The following TMEM178A variants were observed in gnomAD, a reference collection of about 807,000 sequenced individuals.
TMEM178A encodes transmembrane protein 178A, also known as transmembrane protein 178.
TMEM178A carries 12 observed loss-of-function variants against 29.1 expected under a neutral mutation model. The observed-to-expected ratio is 0.41, with a 90% CI of 0.26 to 0.67. The LOEUF is 0.67. Among genes scored for constraint, TMEM178A ranks in the 30% least tolerant of loss-of-function variants. The pLI, the probability that TMEM178A is intolerant of heterozygous loss-of-function variation, is 0.29. For synonymous variants in TMEM178A, 210 were observed against 187.2 expected, an observed-to-expected ratio of 1.12 and a Z score of -0.99; for missense variants, 366 against 419.1, an observed-to-expected ratio of 0.87 and a Z score of 1.11.
intron 1 of TMEM178A, among the ~76,000 whole-genome samples, chr2:39,682,078 A>T (rs1670892335): frequency 6.6e-6 from 1 of 152,184 alleles, no homozygotes; most frequent in Non-Finnish European, 1.5e-5. Context: ...GCTTTCTAAC[A>T]GTTTACCTTT....
At chr2:39,675,734 A>G (rs777346523) in intron 1 of TMEM178A, among the ~76,000 whole-genome samples, 5 of 151,964 alleles carry the variant, frequency 3.3e-5, no homozygotes, top group East Asian at 1.9e-4. Flanking sequence ...CTGGTCAGGT[A>G]TTCATCCATA....
chr2:39,711,669 A>G (rs536521230), intron 3 of TMEM178A, among the ~76,000 whole-genome samples: 1 of 152,314 alleles, frequency 6.6e-6, no homozygotes, highest in South Asian at 2.1e-4. Context: ...AAAAAGACTC[A>G]ACCATGGTAG....
At chr2:39,701,525 G>T (rs1453148328) in intron 1 of TMEM178A, among the ~76,000 whole-genome samples, 3 of 151,962 alleles carry the variant, frequency 2.0e-5, no homozygotes, top group African/African-American at 7.3e-5. Flanking sequence ...TCTGGGTGTG[G>T]GTCTCTGAGT....
chr2:39,707,805 T>C (rs1189689248), intron 3 of TMEM178A, among the ~76,000 whole-genome samples: 2 of 152,226 alleles, frequency 1.3e-5, no homozygotes, highest in East Asian at 1.9e-4. Context: ...AACCCTGGCC[T>C]GGACTCTTGG....
chr2:39,695,815 G>T (rs1227772981), intron 1 of TMEM178A, among the ~76,000 whole-genome samples: 2 of 151,990 alleles, frequency 1.3e-5, no homozygotes, highest in Non-Finnish European at 1.5e-5. Context: ...TGTGATTTTC[G>T]CATCTTCTGT....
the TMEM178A span, among the ~76,000 whole-genome samples, chr2:39,727,740 C>T: frequency 1.3e-4 from 19 of 150,800 alleles, no homozygotes; most frequent in African/African-American, 4.2e-4. Flanking sequence ...CGACAGGCCC[C>T]GGTGTGTGAT....
At chr2:39,734,179 C>T in the TMEM178A span, among the ~76,000 whole-genome samples, 1 of 152,274 alleles carries the variant, frequency 6.6e-6, no homozygotes, top group South Asian at 2.1e-4. Flanking sequence ...GGTTTTGCTC[C>T]CCTTCCATTC....
intron 2 of TMEM178A, among the ~76,000 whole-genome samples, chr2:39,705,463 A>G (rs942236159): frequency 6.6e-6 from 1 of 152,166 alleles, no homozygotes; most frequent in African/African-American, 2.4e-5. Flanking sequence ...ACCATACTAC[A>G]TTTCCCCTGC....
intron 3 of TMEM178A, among the ~76,000 whole-genome samples, chr2:39,714,080 G>A (rs1672430459): frequency 6.6e-6 from 1 of 152,124 alleles, no homozygotes; most frequent in Admixed American, 6.5e-5. Flanking sequence ...AGAAATGCGA[G>A]GGTCTGAAAA....
At chr2:39,721,134 A>G (rs1245807175), downstream of TMEM178A, among the ~76,000 whole-genome samples, 6 of 152,228 alleles carry the variant, frequency 3.9e-5, no homozygotes, top group Admixed American at 3.3e-4. Context: ...ATTGCATATG[A>G]ATTTCTCTGG....
chr2:39,689,876 G>T (rs528433677), intron 1 of TMEM178A, among the ~76,000 whole-genome samples: 32 of 152,268 alleles, frequency 2.1e-4, no homozygotes, highest in Admixed American at 7.8e-4. Flanking sequence ...TCTGAGAATA[G>T]ATACCTTGAA....
intron 1 of TMEM178A, among the ~76,000 whole-genome samples, chr2:39,677,290 C>CT (rs560730731): frequency 1.3e-5 from 2 of 152,156 alleles, no homozygotes; most frequent in African/African-American, 4.8e-5. Context: ...CAGGCTATGA[C>CT]TTTTTTTAAC....
chr2:39,696,583 C>T, intron 1 of TMEM178A, among the ~76,000 whole-genome samples: 1 of 152,190 alleles, frequency 6.6e-6, no homozygotes, highest in East Asian at 1.9e-4. Flanking sequence ...CCACAAGTCA[C>T]ACAACTAGGA....
At chr2:39,720,569 C>A (rs1672683437), downstream of TMEM178A, among the ~76,000 whole-genome samples, 1 of 152,206 alleles carries the variant, frequency 6.6e-6, no homozygotes, top group Non-Finnish European at 1.5e-5. Flanking sequence ...CAAATCCTTT[C>A]CTGACCAGTT....
chr2:39,726,704 G>C, the TMEM178A span, among the ~76,000 whole-genome samples: 2 of 152,102 alleles, frequency 1.3e-5, no homozygotes, highest in African/African-American at 4.8e-5. Context: ...TTCTTCCAAG[G>C]TGAAGTCAAT....
chr2:39,692,432 G>A (rs917693738), intron 1 of TMEM178A, among the ~76,000 whole-genome samples: 2 of 152,074 alleles, frequency 1.3e-5, no homozygotes, highest in African/African-American at 2.4e-5. Context: ...ATCAAGTTTT[G>A]TACCTTCAAT....
At chr2:39,680,368 G>T (rs1449592290) in intron 1 of TMEM178A, among the ~76,000 whole-genome samples, 1 of 152,138 alleles carries the variant, frequency 6.6e-6, no homozygotes, top group African/African-American at 2.4e-5. Context: ...TTTTCAAATT[G>T]TTCACTCACA....
At chr2:39,671,710 T>C (rs768509939) in intron 1 of TMEM178A, among the ~76,000 whole-genome samples, 1 of 152,160 alleles carries the variant, frequency 6.6e-6, no homozygotes, top group Admixed American at 6.5e-5. Flanking sequence ...GATGTGGTAA[T>C]ACATATATAT....
At chr2:39,709,229 C>G (rs1192285060) in intron 3 of TMEM178A, among the ~76,000 whole-genome samples, 1 of 152,188 alleles carries the variant, frequency 6.6e-6, no homozygotes, top group Non-Finnish European at 1.5e-5. Context: ...TTAAGGAACC[C>G]ACATCACAGG....
Sources: gnomAD v4.1 joint callset for allele counts (sites outside exome capture counted in the v4.1 genomes callset) on GRCh38, gnomAD v4.1.1 for gene constraint, MANE v1.5 for transcripts, NCBI Gene and HGNC (gene_info 2026-07-23, HGNC 2026-07-21) for gene names.